The following SMR3A variants were observed in gnomAD, a reference collection of about 807,000 sequenced individuals.
The protein encoded by SMR3A is submaxillary gland androgen-regulated protein 3A.
For synonymous variants in SMR3A, 48 were observed against 57.4 expected, an observed-to-expected ratio of 0.84 and a Z score of 0.74; for missense variants, 188 against 163.0, an observed-to-expected ratio of 1.15 and a Z score of -0.84.
At chr4:70,363,411 C>A (rs980624103) in intron 2 of SMR3A, among the ~76,000 whole-genome samples, 1 of 151,800 alleles carries the variant, frequency 6.6e-6, no homozygotes, top group East Asian at 1.9e-4. Context: ...TGAGTGTTTT[C>A]TCTGTTATAG....
At chr4:70,366,101 A>T (rs1010893983) in intron 2 of SMR3A, among the ~76,000 whole-genome samples, 5 of 152,064 alleles carry the variant, frequency 3.3e-5, no homozygotes, top group Non-Finnish European at 7.4e-5. Flanking sequence ...ATAACAAATT[A>T]CCACTAATTA....
Position 70,366,647 on chromosome 4 carries a change from G to C in SMR3A, c.58G>C (p.Gly20Arg). The change falls in exon 3 of 3, where the codon GGT becomes CGT. Residue 20 changes from glycine to arginine, a missense_variant. Transcript: ENST00000226460. ...LWALAACFTP[G>R]ESQRGPRGPY... ...ATTTACTTCTTTGTTTCCACAGCCT[G>C]GTGAGAGTCAAAGAGGCCCCAGGGG... 6.2e-7 allele frequency: 1 copy of C among 1,601,594 alleles called. No individual in the cohort carries two copies. Among genetic ancestry groups the C allele is most frequent in the Non-Finnish European group, 8.5e-7 (1 of 1,172,962 alleles).
At chr4:70,361,004 C>T (rs555061265) in intron 1 of SMR3A, among the ~76,000 whole-genome samples, 162 bp downstream of exon 1, 1 of 151,930 alleles carries the variant, frequency 6.6e-6, no homozygotes, top group South Asian at 2.1e-4. Flanking sequence ...ATTCACATGT[C>T]AGAGTAAAGC....
chr4:70,362,767 A>T (rs1279899696), intron 2 of SMR3A, among the ~76,000 whole-genome samples: 3 of 151,896 alleles, frequency 2.0e-5, no homozygotes, highest in African/African-American at 7.2e-5. Context: ...ACTCAATTTC[A>T]ACAGAAGGGT....
chr4:70,366,213 T>C (rs1732257217), intron 2 of SMR3A, among the ~76,000 whole-genome samples: 1 of 151,720 alleles, frequency 6.6e-6, no homozygotes, highest in Admixed American at 6.6e-5. Flanking sequence ...TGAAAAGGTG[T>C]GTCCATTGCT....
intron 1 of SMR3A, 35 bp from the exon 2 acceptor site, chr4:70,362,067 C>T (rs546661432): frequency 1.2e-6 from 2 of 1,609,630 alleles, no homozygotes; most frequent in Non-Finnish European, 1.7e-6. Context: ...TAATAAAAAA[C>T]AATCATACTG....
At chr4:70,363,758 C>A (rs1392840727) in intron 2 of SMR3A, among the ~76,000 whole-genome samples, 1 of 151,932 alleles carries the variant, frequency 6.6e-6, no homozygotes, top group African/African-American at 2.4e-5. Flanking sequence ...AGATCAACAT[C>A]GGTATATCTT....
At chr4:70,364,383 G>A (rs1401358651) in intron 2 of SMR3A, among the ~76,000 whole-genome samples, 2 of 151,874 alleles carry the variant, frequency 1.3e-5, no homozygotes, top group African/African-American at 4.8e-5. Flanking sequence ...ATAAGAAGTG[G>A]TTAGATTTAG....
chr4:70,366,622 A>AT (rs1252679023), intron 2 of SMR3A, 22 bp from the exon 3 acceptor site: 5 of 1,549,982 alleles, frequency 3.2e-6, no homozygotes, highest in Non-Finnish European at 4.4e-6. Context: ...ATTTAAAATT[A>AT]TTTACTTCTT....
At chr4:70,361,826 A>G (rs1445714648) in intron 1 of SMR3A, among the ~76,000 whole-genome samples, 3 of 151,916 alleles carry the variant, frequency 2.0e-5, no homozygotes, top group Admixed American at 1.3e-4. Flanking sequence ...AAAAGCTTCT[A>G]TTGTTCAATC....
intron 2 of SMR3A, among the ~76,000 whole-genome samples, chr4:70,364,687 G>A (rs915559581): frequency 3.9e-5 from 6 of 151,964 alleles, no homozygotes; most frequent in African/African-American, 7.2e-5. Flanking sequence ...GGTGGGGGTA[G>A]ATGAGAGCTC....
chr4:70,366,526 A>G, intron 2 of SMR3A, 118 bp from the exon 3 acceptor site: 1 of 944,080 alleles, frequency 1.1e-6, no homozygotes, highest in Admixed American at 2.8e-5. Context: ...AGCATGTGCC[A>G]GCAGGGAGTA....
At chr4:70,361,818 A>C (rs1164948905) in intron 1 of SMR3A, among the ~76,000 whole-genome samples, 1 of 151,910 alleles carries the variant, frequency 6.6e-6, no homozygotes, top group Non-Finnish European at 1.5e-5. Flanking sequence ...GTAGTTACAA[A>C]AGCTTCTATT....
chr4:70,366,886 C>T lies in SMR3A; in HGVS notation c.297C>T (p.Gly99=). The change falls in exon 3 of 3, where the codon GGC becomes GGT. Residue 99 remains glycine (G), a synonymous_variant. Coordinates refer to ENST00000226460, the MANE Select transcript of SMR3A (RefSeq NM_012390.4). ...IQSHSLPPPY[G]PGYPQPPSQP... The stretch of plus-strand genomic sequence containing the variant: ...CACACTCTCTTCCTCCTCCTTATGG[C>T]CCAGGTTATCCACAGCCACCTTCCC... 2 of 1,613,630 alleles carry T rather than the reference C, an allele frequency of 1.2e-6. No individual in the cohort carries two copies. The highest frequency in any genetic ancestry group is 1.7e-6 in the Non-Finnish European group (2 of 1,179,770).
At chr4:70,362,854 C>T (rs1405009864) in intron 2 of SMR3A, among the ~76,000 whole-genome samples, 1 of 151,746 alleles carries the variant, frequency 6.6e-6, no homozygotes, top group Non-Finnish European at 1.5e-5. Flanking sequence ...TCTATTATAT[C>T]AAATGGGAAA....
intron 1 of SMR3A, 51 bp from the exon 2 acceptor site, chr4:70,362,051 A>G: frequency 6.2e-7 from 1 of 1,607,848 alleles, no homozygotes; most frequent in Admixed American, 1.7e-5. Context: ...TTTAAATAGT[A>G]CTTTTTAATA....
rs541777834 is a variant in SMR3A at position 70,365,461 on chromosome 4, T to G, written c.55-1183T>G. On this transcript the variant is annotated intron_variant, in intron 2 of 2. Coordinates refer to ENST00000226460, the MANE Select transcript of SMR3A (RefSeq NM_012390.4). ...ACCCTAGGCACTTTACAGGTGATAT[T>G]TCACAATAGATGTGACAACAACCGC... Among the ~76,000 whole-genome samples the G allele has an allele frequency of 4.6e-5, 7 of 152,150 alleles. No individual in the cohort carries two copies. In the South Asian group the frequency reaches 1.4e-3, roughly 32 times the overall value.
At position 70,366,933 on chromosome 4, in the gene SMR3A, G is replaced by C. The variant is rs1358694280; in HGVS notation, c.344G>C (p.Gly115Ala). Residue 115 changes from glycine (G) to alanine (A), a missense_variant, in exon 3 of 3, where the codon GGA becomes GCA. By Grantham distance (60) the Gly-to-Ala change is moderately conservative. Transcript: ENST00000226460. ...PPSQPRPYPPGPPFFPVNSPT... is the reference protein window; with the variant it reads ...PPSQPRPYPPAPPFFPVNSPT... ...TCCCAACCAAGACCCTATCCACCTG[G>C]ACCTCCATTTTTCCCTGTAAATTCT... 6.2e-7 allele frequency: 1 copy of C among 1,613,324 alleles called. No homozygotes were observed. The highest frequency in any genetic ancestry group is 1.1e-5 in the South Asian group (1 of 91,020).
chr4:70,364,563 A>G (rs904361397), intron 2 of SMR3A, among the ~76,000 whole-genome samples: 1 of 152,046 alleles, frequency 6.6e-6, no homozygotes, highest in Non-Finnish European at 1.5e-5. Context: ...ACAATTATAA[A>G]GAAAAAGAAA....
Sources: allele counts gnomAD v4.1 joint callset (sites outside exome capture counted in the v4.1 genomes callset), GRCh38; gene constraint gnomAD v4.1.1; transcripts MANE v1.5; gene names NCBI Gene and HGNC (gene_info 2026-07-23, HGNC 2026-07-21).